Variants in ASXL3 observed in about 807,000 individuals in gnomAD.
ASXL3 encodes the protein ASXL transcriptional regulator 3, also known as putative Polycomb group protein ASXL3.
In ASXL3, 34 loss-of-function variants were observed where a neutral mutation model predicts 170.6. The ratio of observed to expected loss-of-function variants is 0.20; its 90% confidence interval spans 0.15 to 0.27. ASXL3 has a LOEUF of 0.27. Among genes scored for constraint, ASXL3 ranks in the 10% least tolerant of loss-of-function variants. The probability of loss-of-function intolerance (pLI) is 1.00; values close to 1 mark genes in which losing one functional copy is unlikely to be tolerated. For missense variants in ASXL3, 2,592 were observed against 2,695.3 expected (o/e 0.96, Z 0.85); for synonymous variants, 1,002 against 989.1 (o/e 1.01, Z -0.24).
intron 1 of ASXL3, among the ~76,000 whole-genome samples, chr18:33,598,177 A>G (rs1022104111): frequency 6.6e-6 from 1 of 152,196 alleles, no homozygotes; most frequent in Non-Finnish European, 1.5e-5. Context: ...GAGTTGTTAT[A>G]TATCTATCTA....
At chr18:33,733,892 T>C (rs2067495888) in intron 9 of ASXL3, among the ~76,000 whole-genome samples, 1 of 152,138 alleles carries the variant, frequency 6.6e-6, no homozygotes, top group Non-Finnish European at 1.5e-5. Context: ...ATTAAGCGCT[T>C]TACTTTCTAT....
chr18:33,612,971 C>A (rs927041381), intron 2 of ASXL3, among the ~76,000 whole-genome samples: 5 of 152,054 alleles, frequency 3.3e-5, no homozygotes, highest in Non-Finnish European at 7.4e-5. Context: ...ACATCTAATT[C>A]TCTCATTGTG....
intron 2 of ASXL3, among the ~76,000 whole-genome samples, chr18:33,613,446 T>C (rs1331006847): frequency 6.6e-6 from 1 of 152,048 alleles, no homozygotes; most frequent in Non-Finnish European, 1.5e-5. Flanking sequence ...AATCCAGGCA[T>C]ATGTTGAAGA....
At chr18:33,732,752 A>C (rs976971441) in intron 9 of ASXL3, among the ~76,000 whole-genome samples, 2 of 151,686 alleles carry the variant, frequency 1.3e-5, no homozygotes, top group Non-Finnish European at 2.9e-5. Flanking sequence ...GCAACTAGGG[A>C]GTCTAAAGTG....
rs750046656 is a variant in ASXL3 at position 33,743,780 on chromosome 18, G to A, written c.3932G>A (p.Gly1311Asp). The A allele has an allele frequency of 9.9e-6, 16 of 1,613,946 alleles. No individual in the cohort carries two copies. Among genetic ancestry groups the A allele is most frequent in the South Asian group, 1.1e-5 (1 of 91,080 alleles). The change falls in exon 12 of 12, where the codon GGC becomes GAC. Residue 1311 changes from glycine (G) to aspartate (D), a missense_variant. Physicochemically the swap from Gly to Asp is moderately conservative, Grantham distance 94 (BLOSUM62 -1). Transcript: ENST00000269197. ...ESTPISATTE[G>D]SSISSSMDDK... The stretch of plus-strand genomic sequence containing the variant: ...ACTCCCATTTCAGCCACTACAGAGG[G>A]CTCCAGCATATCAAGCTCCATGGAT...
intron 1 of ASXL3, among the ~76,000 whole-genome samples, chr18:33,581,597 C>A (rs965657168): frequency 2.6e-5 from 4 of 151,996 alleles, no homozygotes; most frequent in Non-Finnish European, 4.4e-5. Context: ...GCTTTGCCTT[C>A]ACTTAAAGAA....
intron 2 of ASXL3, among the ~76,000 whole-genome samples, chr18:33,618,564 G>C (rs554688010): frequency 6.6e-6 from 1 of 152,222 alleles, no homozygotes; most frequent in South Asian, 2.1e-4. Context: ...GTAAGATCCT[G>C]ATAACTTTTT....
chr18:33,688,426 C>T (rs1225752198), intron 8 of ASXL3, among the ~76,000 whole-genome samples: 2 of 152,002 alleles, frequency 1.3e-5, no homozygotes, highest in Non-Finnish European at 2.9e-5. Flanking sequence ...TTGAAATGTC[C>T]AGACAATCAT....
rs1212289261 is a variant in ASXL3 at position 33,645,950 on chromosome 18, C to A, written c.247-295C>A. ...AAAATTCTGAGTTGGTAAGCCATTT[C>A]TTTACATGAGGAAAACTGTAGAATT... On this transcript the variant is annotated intron_variant, in intron 3 of 11. Transcript: ENST00000269197. Among the ~76,000 whole-genome samples, 13 of 151,180 alleles carry A rather than the reference C, an allele frequency of 8.6e-5. No individual in the cohort carries two copies. The Admixed American group carries it at 8.6e-4, about 10-fold the overall frequency.
In ASXL3 at chr18:33,621,378, G is replaced by A. The variant is rs10163545; in HGVS notation, c.137+13702G>A. Among the ~76,000 whole-genome samples the A allele has an allele frequency of 3.1e-3, 466 of 152,240 alleles. 2 individuals carry two copies. The highest frequency in any genetic ancestry group is 0.01 in the African/African-American group (420 of 41,556). On this transcript the variant is annotated intron_variant, in intron 2 of 11. Coordinates refer to ENST00000269197, the MANE Select transcript of ASXL3 (RefSeq NM_030632.3). ...TCTGTTCTTACGTACTATTGAAATG[G>A]AACTATTGAAATAGTTCTTAGGTAC...
chr18:33,648,431 G>A (rs1213188870), intron 4 of ASXL3, among the ~76,000 whole-genome samples: 1 of 152,118 alleles, frequency 6.6e-6, no homozygotes, highest in Non-Finnish European at 1.5e-5. Context: ...TGAGCAAGTT[G>A]AACAATAGCA....
intron 5 of ASXL3, among the ~76,000 whole-genome samples, chr18:33,664,759 A>T (rs1338452974): frequency 1.3e-5 from 2 of 152,210 alleles, no homozygotes; most frequent in East Asian, 3.8e-4. Flanking sequence ...CTTTGATGTC[A>T]TAGCACTGTT....
intron 5 of ASXL3, among the ~76,000 whole-genome samples, chr18:33,667,097 C>T (rs10502624): frequency 0.055 from 8,434 of 152,200 alleles, 264 homozygotes; most frequent in South Asian, 0.094. Context: ...AATGTAGTTT[C>T]AGAGGCCTCC....
In ASXL3 at chr18:33,745,342, G is replaced by T. The variant is rs2067760811; in HGVS notation, c.5494G>T (p.Ala1832Ser). Reference protein sequence around the residue: ...KRENHPKKRVARTVGEHTQVK... With the variant: ...KRENHPKKRVSRTVGEHTQVK... ...AGAAAACCACCCCAAAAAGAGAGTA[G>T]CTAGGACTGTAGGAGAACACACTCA... Residue 1832 changes from alanine to serine, a missense_variant, in exon 12 of 12, where the codon GCT becomes TCT. This residue lies in a region of ASXL3 where 2,246 missense variants were observed against 2,219.6 expected (regional missense o/e 1.01). Transcript: ENST00000269197. 3 of 1,613,878 alleles carry T rather than the reference G, an allele frequency of 1.9e-6. No homozygotes were observed. Among genetic ancestry groups the T allele is most frequent in the Non-Finnish European group, 2.5e-6 (3 of 1,179,908 alleles).
At chr18:33,680,540 T>A (rs2066498702) in intron 7 of ASXL3, among the ~76,000 whole-genome samples, 1 of 152,072 alleles carries the variant, frequency 6.6e-6, no homozygotes, top group Non-Finnish European at 1.5e-5. Flanking sequence ...ATCTATCAGG[T>A]TTTGGTAATG....
chr18:33,683,268 A>G, intron 7 of ASXL3, 137 bp from the exon 8 acceptor site: 1 of 682,834 alleles, frequency 1.5e-6, no homozygotes, highest in Non-Finnish European at 2.2e-6. Flanking sequence ...CTGAAATACC[A>G]TTTGTAAAAG....
intron 2 of ASXL3, chr18:33,614,460 A>G (rs1175910816): frequency 6.6e-6 from 1 of 152,128 alleles, no homozygotes; most frequent in African/African-American, 2.4e-5. Context: ...CCACCACTGA[A>G]GTGTTGAAGT....
chr18:33,659,778 A>C (rs1358437895), intron 4 of ASXL3, among the ~76,000 whole-genome samples: 5 of 152,248 alleles, frequency 3.3e-5, no homozygotes, highest in Admixed American at 3.3e-4. Flanking sequence ...TAGAACATTT[A>C]GACTGTCTTA....
rs2067854106 is a variant in ASXL3 at position 33,749,705 on chromosome 18, C to A, written c.*3110C>A. 1 of 151,772 alleles carries A rather than the reference C, an allele frequency of 6.6e-6. No individual in the cohort carries two copies. The highest frequency in any genetic ancestry group is 6.6e-5 in the Admixed American group (1 of 15,228). 9.4% of individuals were successfully genotyped at this position (151,772 alleles called of 1,614,324 possible). A position where few individuals can be genotyped will look rare whatever the true frequency, so the allele number is the denominator to read the frequency against. ...TGAGCACCATAGTTATATAATATTT[C>A]CCTGCGAAGGTCTAGTTTGAAGAAA... On this transcript the variant is annotated 3_prime_UTR_variant, in exon 12 of 12. Transcript: ENST00000269197.
Sources: allele counts gnomAD v4.1 joint callset (sites outside exome capture counted in the v4.1 genomes callset), GRCh38; gene constraint gnomAD v4.1.1; regional missense constraint gnomAD v4.1.1; transcripts MANE v1.5; gene names NCBI Gene and HGNC (gene_info 2026-07-23, HGNC 2026-07-21).